Variants in IPPK observed in about 807,000 individuals in gnomAD.
IPPK encodes IPK1 homolog.
Under a neutral mutation model 64.6 loss-of-function variants are expected in IPPK, and 22 were observed. The ratio of observed to expected loss-of-function variants is 0.34; its 90% CI spans 0.24 to 0.49. IPPK has a LOEUF of 0.49. Ranked by LOEUF, IPPK falls within the 20% of genes least tolerant of loss-of-function variation. The pLI is 0.99. For missense variants in IPPK, 532 were observed against 630.7 expected (o/e 0.84, Z 1.68); for synonymous variants, 262 against 247.2 (o/e 1.06, Z -0.56).
At chr9:92,653,580 G>A (rs567374562) in intron 3 of IPPK, among the ~76,000 whole-genome samples, 7 of 152,360 alleles carry the variant, frequency 4.6e-5, no homozygotes, top group African/African-American at 7.2e-5. Flanking sequence ...AGCCAAGAGC[G>A]TTGGCTCATG....
At chr9:92,665,819 A>C (rs1167562651) in intron 1 of IPPK, among the ~76,000 whole-genome samples, 1 of 152,182 alleles carries the variant, frequency 6.6e-6, no homozygotes, top group Non-Finnish European at 1.5e-5. Context: ...TATGGCAAAA[A>C]AAATACATAT....
chr9:92,621,384 CAA>C (rs1564027319), intron 11 of IPPK, among the ~76,000 whole-genome samples: 1 of 151,356 alleles, frequency 6.6e-6, no homozygotes, highest in African/African-American at 2.4e-5. Flanking sequence ...ATAGATAAAA[CAA>C]AAAATTTCTA....
At chr9:92,634,313 CA>C in intron 11 of IPPK, 72 bp downstream of exon 11, 1 of 1,121,092 alleles carries the variant, frequency 8.9e-7, no homozygotes, top group Admixed American at 2.1e-5. Context: ...AAAAAAAATA[CA>C]AAAAACAAAA....
intron 11 of IPPK, among the ~76,000 whole-genome samples, chr9:92,631,648 G>A (rs1158070617): frequency 2.6e-5 from 4 of 152,188 alleles, no homozygotes; most frequent in Non-Finnish European, 2.9e-5. Flanking sequence ...ATGACAGCAC[G>A]GAAAGACCTC....
At chr9:92,642,131 C>A (rs774513657) in intron 7 of IPPK, among the ~76,000 whole-genome samples, 1 of 152,242 alleles carries the variant, frequency 6.6e-6, no homozygotes, top group Non-Finnish European at 1.5e-5. Context: ...AGGGCCTGCT[C>A]GCTGGGCCCC....
chr9:92,616,344 A>G (rs1851434324), intron 12 of IPPK: 1 of 339,620 alleles, frequency 2.9e-6, no homozygotes, highest in African/African-American at 2.1e-5. Flanking sequence ...ACCCCACCAT[A>G]CCAGGCGAGA....
intron 11 of IPPK, among the ~76,000 whole-genome samples, chr9:92,627,219 TA>T (rs982144903): frequency 1.3e-5 from 2 of 151,946 alleles, no homozygotes; most frequent in African/African-American, 4.8e-5. Flanking sequence ...GAATTAAAAA[TA>T]AAAAAACTAT....
chr9:92,629,818 A>G (rs1851803183), intron 11 of IPPK, among the ~76,000 whole-genome samples: 1 of 152,320 alleles, frequency 6.6e-6, no homozygotes, highest in Middle Eastern at 3.4e-3. Context: ...TCAGGGAAAT[A>G]CAAATCAAAA....
chr9:92,618,107 G>T (rs1409772602), intron 12 of IPPK: 4 of 391,380 alleles, frequency 1.0e-5, no homozygotes, highest in Non-Finnish European at 2.1e-5. Flanking sequence ...AACTTCACAG[G>T]TGCGGCCACT....
chr9:92,648,272 G>A, intron 5 of IPPK, 124 bp from the exon 6 acceptor site: 1 of 724,378 alleles, frequency 1.4e-6, no homozygotes, highest in Non-Finnish European at 2.3e-6. Context: ...GGCCCCAGAA[G>A]CTGTTTTCAT....
At position 92,613,766 on chromosome 9, in the gene IPPK, G is replaced by T. The variant is rs1361186805; in HGVS notation, c.*2066C>A. ...AAAGACAGCACTGTTCCTGGGCTGG[G>T]ACGCAAGGAATGAGGTCCTTTATGA... On this transcript the variant is annotated 3_prime_UTR_variant, in exon 13 of 13. Transcript: ENST00000287996. 6.5e-6 allele frequency: 1 copy of T among 153,878 alleles called. No individual in the cohort carries two copies. The highest frequency in any genetic ancestry group is 1.4e-5 in the Non-Finnish European group (1 of 69,092). 9.5% of individuals were successfully genotyped at this position (153,878 alleles called of 1,614,324 possible).
At chr9:92,645,632 C>G (rs1852136621) in intron 6 of IPPK, among the ~76,000 whole-genome samples, 3 of 151,958 alleles carry the variant, frequency 2.0e-5, no homozygotes, top group Admixed American at 6.6e-5. Context: ...ATACAAAGCA[C>G]CTTCCCTAAG....
intron 12 of IPPK, chr9:92,619,272 A>C: frequency 1.8e-6 from 1 of 545,592 alleles, no homozygotes; most frequent in South Asian, 2.5e-5. Flanking sequence ...AATCCTTTTA[A>C]GTTATTCTCC....
At chr9:92,667,254 C>T (rs143301668) in intron 1 of IPPK, among the ~76,000 whole-genome samples, 1 of 152,364 alleles carries the variant, frequency 6.6e-6, no homozygotes, top group East Asian at 1.9e-4. Context: ...TGCTCCCACA[C>T]CCGGCTGGAA....
rs1456274423 is a variant in IPPK, at chr9:92,614,402, C to T, written c.*1430G>A. The T allele has an allele frequency of 6.6e-6, 1 of 152,310 alleles. No homozygotes were observed. The allele number at this position is 152,310 out of a possible 1,614,324, so 9.4% of individuals were successfully genotyped here. On this transcript the variant is annotated 3_prime_UTR_variant, in exon 13 of 13. Transcript: ENST00000287996. ...GCTCCGTGCACTTCACCAAAGCCCC[C>T]ATCCCAGCACACAGGACCCGTGTGT... is the stretch of plus-strand genomic sequence containing the variant.
chr9:92,613,497 C>T lies in IPPK; in HGVS notation c.*2335G>A. ...CACCTTGGACATGGTGGCCACATTA[C>T]TCAGCTGGGAGAAGCCACCCTTATC... On this transcript the variant is annotated 3_prime_UTR_variant, in exon 13 of 13. Transcript: ENST00000287996. 2 of 268,944 alleles carry T rather than the reference C, an allele frequency of 7.4e-6. No homozygotes were observed. The highest frequency in any genetic ancestry group is 8.3e-5 in the South Asian group (2 of 24,154). The allele number at this position is 268,944 out of a possible 1,614,324, so 16.7% of individuals were successfully genotyped here.
At chr9:92,642,922 C>T (rs1852080744) in intron 6 of IPPK, 112 bp from the exon 7 acceptor site, 3 of 897,656 alleles carry the variant, frequency 3.3e-6, no homozygotes, top group South Asian at 1.4e-5. Context: ...CGAGCTGCAG[C>T]CTTGCCCCGG....
rs1404243063 is a variant in IPPK, at chr9:92,615,908, C to A, written c.1400G>T (p.Arg467Leu). The A allele has an allele frequency of 2.5e-6, 4 of 1,614,050 alleles. 1 individual carries two copies. In the South Asian group the frequency reaches 4.4e-5, roughly 18 times the overall value. The change falls in exon 13 of 13, where the codon CGT becomes CTT. Residue 467 changes from arginine to leucine, a missense_variant. By Grantham distance (102) the Arg-to-Leu change is moderately radical. Coordinates refer to ENST00000287996, the MANE Select transcript of IPPK (RefSeq NM_022755.6). The part of the protein sequence containing the change: ...KIVNYYSKTV[R>L]AKDNAVMSTR... Reference sequence around the variant, plus strand: ...CGACATCACGGCGTTGTCTTTGGCACGTACAGTCTTTGAATAATAGTTGAC... The same window carrying A: ...CGACATCACGGCGTTGTCTTTGGCAAGTACAGTCTTTGAATAATAGTTGAC...
chr9:92,618,154 G>A (rs904377141), intron 12 of IPPK: 32 of 445,514 alleles, frequency 7.2e-5, no homozygotes, highest in Admixed American at 1.9e-4. Flanking sequence ...AGCCCCACAC[G>A]CCATGTTCTC....
Sources: gnomAD v4.1 joint callset for allele counts (sites outside exome capture counted in the v4.1 genomes callset) on GRCh38, gnomAD v4.1.1 for gene constraint, MANE v1.5 for transcripts, NCBI Gene and HGNC (gene_info 2026-07-23, HGNC 2026-07-21) for gene names.